Variants in ATRNL1 observed in about 807,000 individuals in gnomAD.
The protein encoded by ATRNL1 is attractin-like protein 1.
A neutral mutation model predicts 182.7 loss-of-function variants in ATRNL1; 95 were observed. The ratio of observed to expected loss-of-function variants is 0.52; its 90% CI spans 0.44 to 0.62. ATRNL1 has a LOEUF of 0.62. Ranked by LOEUF, ATRNL1 falls within the 20% of genes least tolerant of loss-of-function variation. The pLI is 0.00. For missense variants in ATRNL1, 1,471 were observed against 1,679.5 expected (o/e 0.88, Z 2.17); for synonymous variants, 576 against 568.3 (o/e 1.01, Z -0.19).
intron 19 of ATRNL1, among the ~76,000 whole-genome samples, chr10:115,377,895 G>A (rs77187750): frequency 0.022 from 3,282 of 152,220 alleles, 110 homozygotes; most frequent in African/African-American, 0.073. Context: ...ACTCTCTCCA[G>A]GACCTTGGTT....
Position 115,286,285 on chromosome 10 carries a change from A to G in ATRNL1, c.2303A>G (p.Asn768Ser). ...ACLRVNSSRE[N>S]YDNAKLYCYN... ...CTTAGAGTCAATTCCAGTAGAGAAA[A>G]CTATGACAATGCAAAACTTTATTGC... The change falls in exon 15 of 29, where the codon AAC becomes AGC. Residue 768 changes from asparagine (N) to serine (S), a missense_variant. Asn to Ser is a conservative substitution (Grantham distance 46). Coordinates refer to ENST00000355044, the MANE Select transcript of ATRNL1 (RefSeq NM_207303.4). 1 of 1,599,462 alleles carries G rather than the reference A, an allele frequency of 6.3e-7. No individual in the cohort carries two copies. The highest frequency in any genetic ancestry group is 8.6e-7 in the Non-Finnish European group (1 of 1,167,362).
At chr10:115,789,173 G>A (rs1467405375) in intron 27 of ATRNL1, among the ~76,000 whole-genome samples, 1 of 152,190 alleles carries the variant, frequency 6.6e-6, no homozygotes, top group Non-Finnish European at 1.5e-5. Flanking sequence ...TGAAGTCCCT[G>A]CAGGTTTTAT....
chr10:115,240,541 A>G (rs1850374719), intron 9 of ATRNL1, among the ~76,000 whole-genome samples: 2 of 152,108 alleles, frequency 1.3e-5, no homozygotes. Context: ...GGCGTGAGAC[A>G]ACACCACGCC....
intron 27 of ATRNL1, among the ~76,000 whole-genome samples, chr10:115,812,011 A>G (rs1950057462): frequency 6.6e-6 from 1 of 152,276 alleles, no homozygotes; most frequent in Non-Finnish European, 1.5e-5. Context: ...GGTAAAATAC[A>G]CATGACATAA....
At chr10:115,728,111 T>TAAA (rs782146867) in intron 27 of ATRNL1, among the ~76,000 whole-genome samples, 5 of 44,350 alleles carry the variant, frequency 1.1e-4, no homozygotes, top group Admixed American at 2.9e-4. Context: ...CCGTCTCTAC[T>TAAA]AAAAAAAAAA....
At chr10:115,654,264 G>C (rs1420055789) in intron 26 of ATRNL1, among the ~76,000 whole-genome samples, 2 of 151,480 alleles carry the variant, frequency 1.3e-5, no homozygotes, top group Admixed American at 1.3e-4. Context: ...CTGTCACCCA[G>C]GCTGGAGTGC....
At chr10:115,545,901 CA>C (rs1176385509) in intron 25 of ATRNL1, among the ~76,000 whole-genome samples, 1 of 152,072 alleles carries the variant, frequency 6.6e-6, no homozygotes, top group Admixed American at 6.6e-5. Flanking sequence ...ACAGAGAAGT[CA>C]GGGGAAAGGG....
chr10:115,360,152 G>GA (rs1272834243), intron 19 of ATRNL1, among the ~76,000 whole-genome samples: 1 of 150,742 alleles, frequency 6.6e-6, no homozygotes. Context: ...TACCCAAAAA[G>GA]AAAAAAATAA....
At chr10:115,124,732 T>C (rs1217617872) in intron 3 of ATRNL1, among the ~76,000 whole-genome samples, 1 of 152,188 alleles carries the variant, frequency 6.6e-6, no homozygotes, top group Non-Finnish European at 1.5e-5. Context: ...AGTCACCTCA[T>C]TGGCATAAAT....
At chr10:115,710,515 G>T (rs1421850159) in intron 26 of ATRNL1, among the ~76,000 whole-genome samples, 2 of 152,058 alleles carry the variant, frequency 1.3e-5, no homozygotes, top group Non-Finnish European at 2.9e-5. Context: ...GAAACTGTCT[G>T]GATATTCCAC....
Position 115,847,883 on chromosome 10 carries a change from C to A in ATRNL1, c.3910C>A (p.Pro1304Thr), listed in dbSNP as rs534581626. ...AGTGGGTTTTCTTTTTCAGGGGGCA[C>A]CCAAGCCAATTGCCATTGAACCATG... is the stretch of plus-strand genomic sequence containing the variant. ...EFLRGPLEGA[P>T]KPIAIEPCAG... Residue 1304 changes from proline (P) to threonine (T), a missense_variant, in exon 28 of 29, where the codon CCC becomes ACC. Physicochemically the swap from Pro to Thr is conservative, Grantham distance 38 (BLOSUM62 -1). Around this residue, in one of 3 missense-constraint regions of ATRNL1, gnomAD observed 437 missense variants for 506.0 expected, o/e 0.86. Coordinates refer to ENST00000355044, the MANE Select transcript of ATRNL1 (RefSeq NM_207303.4). The A allele has an allele frequency of 6.2e-7, 1 of 1,603,468 alleles. No homozygotes were observed. The highest frequency in any genetic ancestry group is 1.3e-5 in the African/African-American group (1 of 74,648).
chr10:115,769,547 G>C (rs2134163248), intron 27 of ATRNL1, among the ~76,000 whole-genome samples: 1 of 152,226 alleles, frequency 6.6e-6, no homozygotes, highest in East Asian at 1.9e-4. Context: ...TTACCATGGT[G>C]CCTGGCACAT....
At chr10:115,692,592 TG>T (rs1946427910) in intron 26 of ATRNL1, among the ~76,000 whole-genome samples, 1 of 151,882 alleles carries the variant, frequency 6.6e-6, no homozygotes, top group African/African-American at 2.4e-5. Context: ...CAATAGCACT[TG>T]TATTCCTAAA....
intron 28 of ATRNL1, among the ~76,000 whole-genome samples, chr10:115,893,285 G>T (rs148668382): frequency 2.0e-4 from 31 of 152,308 alleles, no homozygotes; most frequent in Non-Finnish European, 4.0e-4. Flanking sequence ...GAGTTATGGA[G>T]AAGTTGATAG....
At chr10:115,903,813 GAGA>G (rs56863003) in intron 28 of ATRNL1, among the ~76,000 whole-genome samples, 121,009 of 151,896 alleles carry the variant, frequency 0.8, 54,863 homozygotes, top group Non-Finnish European at 0.99. Flanking sequence ...TGGGCTGGAG[GAGA>G]AGGAGAAGGC....
intron 3 of ATRNL1, among the ~76,000 whole-genome samples, chr10:115,124,965 C>A (rs934665454): frequency 6.6e-6 from 1 of 152,070 alleles, no homozygotes; most frequent in African/African-American, 2.4e-5. Context: ...AATAACTAAT[C>A]CTTCATGTTG....
In ATRNL1 at chr10:115,259,094, G is replaced by T. The variant is rs565377414; in HGVS notation, c.1688-6099G>T. Among the ~76,000 whole-genome samples, 13 of 152,324 alleles carry T rather than the reference G, an allele frequency of 8.5e-5. 1 individual carries two copies. The East Asian group carries it at 2.5e-3, about 29-fold the overall frequency. On this transcript the variant is annotated intron_variant, in intron 10 of 28. Transcript: ENST00000355044. ...GGGGGTCAGGGACCCACTTGAGGAG[G>T]CAGTCTGTTTGTTCTCAGAGCTCAA...
chr10:115,655,138 C>T (rs1555035433), intron 26 of ATRNL1, among the ~76,000 whole-genome samples: 3 of 152,236 alleles, frequency 2.0e-5, no homozygotes, highest in East Asian at 1.9e-4. Context: ...TCCTAATTTC[C>T]TCAGCGGCCA....
In ATRNL1 at chr10:115,519,283, T is replaced by C. The variant is rs782724814; in HGVS notation, c.3675T>C (p.Asn1225=). The change falls in exon 25 of 29, where the codon AAT becomes AAC. Residue 1225 remains asparagine (N), a synonymous_variant. Coordinates refer to ENST00000355044, the MANE Select transcript of ATRNL1 (RefSeq NM_207303.4). ...TTCAGATTGCATTCTCACAACACAA[T>C]ACAATCATGGACCTTGTGCAGTTTT... ...IKIQIAFSQH[N]TIMDLVQFFV... is the part of the protein sequence containing the mutation. 6.2e-7 allele frequency: 1 copy of C among 1,610,872 alleles called. No homozygotes were observed. The highest frequency in any genetic ancestry group is 1.1e-5 in the South Asian group (1 of 90,404).
Sources: gnomAD v4.1 joint callset for allele counts (sites outside exome capture counted in the v4.1 genomes callset) on GRCh38, gnomAD v4.1.1 for gene constraint, gnomAD v4.1.1 regional missense constraint, MANE v1.5 for transcripts, NCBI Gene and HGNC (gene_info 2026-07-23, HGNC 2026-07-21) for gene names.